The following RFX3 variants were observed in gnomAD, a reference collection of about 807,000 sequenced individuals.
RFX3 encodes regulatory factor X3.
Under a neutral mutation model 98.6 loss-of-function variants are expected in RFX3, and 14 were observed. The ratio of observed to expected loss-of-function variants is 0.14; its 90% CI spans 0.09 to 0.22. The LOEUF (loss-of-function observed/expected upper bound fraction) is 0.22, where lower values mean the gene tolerates loss of function less well. Ranked by LOEUF, RFX3 falls within the 10% of genes least tolerant of loss-of-function variation. The pLI, the probability that RFX3 is intolerant of heterozygous loss-of-function variation, is 1.00. For synonymous variants in RFX3, 383 were observed against 328.4 expected (o/e 1.17, Z -1.80); for missense variants, 639 against 926.9 (o/e 0.69, Z 4.03).
intron 2 of RFX3, among the ~76,000 whole-genome samples, chr9:3,386,392 C>T (rs773460113): frequency 2.0e-5 from 3 of 151,764 alleles, no homozygotes; most frequent in Non-Finnish European, 4.4e-5. Context: ...AATATTTTAG[C>T]AGAAGTATTA....
At chr9:3,370,006 T>A (rs1313430733) in intron 2 of RFX3, among the ~76,000 whole-genome samples, 3 of 129,612 alleles carry the variant, frequency 2.3e-5, no homozygotes, top group African/African-American at 7.6e-5. Flanking sequence ...TTTTTTTTTT[T>A]TTTTTTTTGT....
intron 2 of RFX3, among the ~76,000 whole-genome samples, chr9:3,376,426 G>C (rs896589888): frequency 3.9e-5 from 6 of 151,974 alleles, no homozygotes. Flanking sequence ...ATAGGTGAAT[G>C]GATAAACCAA....
intron 15 of RFX3, among the ~76,000 whole-genome samples, chr9:3,244,771 T>G (rs1157358037): frequency 6.6e-6 from 1 of 152,212 alleles, no homozygotes; most frequent in African/African-American, 2.4e-5. Flanking sequence ...CCTTTAATTT[T>G]CCTTCAAAGC....
chr9:3,353,794 A>C (rs1240226907), intron 2 of RFX3, among the ~76,000 whole-genome samples: 2 of 152,054 alleles, frequency 1.3e-5, no homozygotes, highest in African/African-American at 4.8e-5. Flanking sequence ...TAAATAACAA[A>C]ATTAGACATA....
At chr9:3,397,181 T>A (rs868162524) in intron 1 of RFX3, among the ~76,000 whole-genome samples, 1 of 152,208 alleles carries the variant, frequency 6.6e-6, no homozygotes, top group African/African-American at 2.4e-5. Context: ...CTAACAGGTA[T>A]GCTTTCTCCG....
At chr9:3,423,533 G>A (rs1047998236) in intron 1 of RFX3, among the ~76,000 whole-genome samples, 7 of 151,914 alleles carry the variant, frequency 4.6e-5, no homozygotes, top group African/African-American at 1.7e-4. Context: ...AGACACAAGA[G>A]TACATAATGC....
chr9:3,324,854 C>T (rs1831731300), intron 4 of RFX3, among the ~76,000 whole-genome samples: 1 of 151,858 alleles, frequency 6.6e-6, no homozygotes, highest in South Asian at 2.1e-4. Context: ...ATCCCAGCTA[C>T]AAGGAAGGCT....
At chr9:3,300,349 T>C (rs1828499975) in intron 5 of RFX3, among the ~76,000 whole-genome samples, 1 of 151,802 alleles carries the variant, frequency 6.6e-6, no homozygotes, top group Non-Finnish European at 1.5e-5. Flanking sequence ...CCAAGTTGGC[T>C]AACCTGGTTT....
intron 1 of RFX3, among the ~76,000 whole-genome samples, chr9:3,504,825 T>A (rs1816617578): frequency 2.1e-5 from 1 of 47,252 alleles, no homozygotes; most frequent in South Asian, 4.3e-4. Flanking sequence ...ATATTATATA[T>A]AAAATATGTA....
At chr9:3,230,564 A>G (rs1586655402) in intron 15 of RFX3, among the ~76,000 whole-genome samples, 1 of 152,220 alleles carries the variant, frequency 6.6e-6, no homozygotes, top group East Asian at 1.9e-4. Context: ...TCTAAACAAC[A>G]AAAACCCAGA....
chr9:3,512,379 G>A (rs1188257488), intron 1 of RFX3, among the ~76,000 whole-genome samples: 8 of 151,804 alleles, frequency 5.3e-5, no homozygotes, highest in Admixed American at 4.6e-4. Flanking sequence ...AGTTTTAAAT[G>A]TTCCAAAATA....
intron 15 of RFX3, among the ~76,000 whole-genome samples, chr9:3,236,063 CA>C (rs1273855954): frequency 2.0e-5 from 3 of 152,020 alleles, no homozygotes; most frequent in Non-Finnish European, 2.9e-5. Context: ...CTATTTGGGA[CA>C]TAGCAATTTT....
intron 2 of RFX3, among the ~76,000 whole-genome samples, chr9:3,392,009 T>C (rs1840361058): frequency 6.6e-6 from 1 of 152,158 alleles, no homozygotes; most frequent in South Asian, 2.1e-4. Flanking sequence ...CAGCCAAGCA[T>C]TCCCCCACTA....
At chr9:3,474,824 T>C (rs1343768548) in intron 1 of RFX3, among the ~76,000 whole-genome samples, 14 of 152,186 alleles carry the variant, frequency 9.2e-5, no homozygotes, top group Admixed American at 8.5e-4. Context: ...CAGCCAGGTA[T>C]GGTGGCTCAT....
At position 3,271,035 on chromosome 9, in the gene RFX3, A is replaced by G. The variant is rs1217850103; in HGVS notation, c.1170T>C (p.Thr390=). Residue 390 remains threonine, a synonymous_variant, in exon 10 of 17, where the codon ACT becomes ACC. Coordinates refer to ENST00000617270, the MANE Select transcript of RFX3 (RefSeq NM_001282116.2). ...CGGTAATGGTAGTGCCATCAGTTGG[A>G]GTAGAGGGAGAATAGCGCCAGAATG... The part of the protein sequence containing the change: ...WQTFWRYSPS[T]PTDGTTITES... 1.2e-6 allele frequency: 2 copies of G among 1,613,598 alleles called. No homozygotes were observed. Among genetic ancestry groups the G allele is most frequent in the Non-Finnish European group, 1.7e-6 (2 of 1,179,728 alleles).
chr9:3,405,948 T>A (rs1841928587), intron 1 of RFX3, among the ~76,000 whole-genome samples: 1 of 151,980 alleles, frequency 6.6e-6, no homozygotes, highest in Admixed American at 6.6e-5. Flanking sequence ...GGCATTTGGT[T>A]TTTTGTCTTG....
intron 16 of RFX3, among the ~76,000 whole-genome samples, chr9:3,228,611 G>T (rs1818074623): frequency 6.6e-6 from 1 of 152,100 alleles, no homozygotes; most frequent in Non-Finnish European, 1.5e-5. Flanking sequence ...AAAGTATAAA[G>T]AATTTTATAA....
chr9:3,391,845 T>A (rs1840346128), intron 2 of RFX3, among the ~76,000 whole-genome samples: 1 of 152,196 alleles, frequency 6.6e-6, no homozygotes, highest in South Asian at 2.1e-4. Context: ...TAACTGGCTT[T>A]CCCTAACTTT....
intron 4 of RFX3, among the ~76,000 whole-genome samples, chr9:3,302,419 T>G (rs115000390): frequency 0.013 from 1,952 of 151,900 alleles, 29 homozygotes; most frequent in African/African-American, 0.03. Context: ...AACCTCATAT[T>G]TAAAGTTATC....
Sources: gnomAD v4.1 joint callset for allele counts (sites outside exome capture counted in the v4.1 genomes callset) on GRCh38, gnomAD v4.1.1 for gene constraint, MANE v1.5 for transcripts, NCBI Gene and HGNC (gene_info 2026-07-23, HGNC 2026-07-21) for gene names.